Variants in LIMA1 observed in about 807,000 individuals in gnomAD.
The protein encoded by LIMA1 is LIM domain and actin-binding protein 1.
Under a neutral mutation model 62.6 loss-of-function variants are expected in LIMA1, and 52 were observed. The ratio of observed to expected loss-of-function variants is 0.83; its 90% CI spans 0.67 to 1.05. The LOEUF (loss-of-function observed/expected upper bound fraction) is 1.05, where lower values mean the gene tolerates loss of function less well. Among genes scored for constraint, LIMA1 ranks in the 50% least tolerant of loss-of-function variants. The pLI is 0.00. For missense variants in LIMA1, 780 were observed against 902.2 expected, an observed-to-expected ratio of 0.86 and a Z score of 1.74; for synonymous variants, 302 against 317.8, an observed-to-expected ratio of 0.95 and a Z score of 0.53.
intron 3 of LIMA1, chr12:50,222,687 T>G (rs1941468846): frequency 7.4e-6 from 11 of 1,488,016 alleles, no homozygotes; most frequent in Non-Finnish European, 9.8e-6. Context: ...AGAGAAAAAC[T>G]CAGGAGCTGA....
intron 1 of LIMA1, among the ~76,000 whole-genome samples, chr12:50,253,140 TA>T (rs1941951595): frequency 6.6e-6 from 1 of 152,074 alleles, no homozygotes. Context: ...ACAGAGACAG[TA>T]AATATAGAAA....
intron 9 of LIMA1, 70 bp downstream of exon 9, chr12:50,192,382 T>C: frequency 9.5e-7 from 1 of 1,054,646 alleles, no homozygotes. Context: ...AACATCATCA[T>C]CATAAAAGGT....
At chr12:50,238,948 G>T (rs941934497) in intron 2 of LIMA1, among the ~76,000 whole-genome samples, 1 of 152,030 alleles carries the variant, frequency 6.6e-6, no homozygotes, top group Non-Finnish European at 1.5e-5. Flanking sequence ...ACTCATATTT[G>T]AGTTTTAAGT....
chr12:50,222,624 C>T, intron 3 of LIMA1, 139 bp from the exon 4 acceptor site: 1 of 1,537,294 alleles, frequency 6.5e-7, no homozygotes, highest in Non-Finnish European at 8.7e-7. Context: ...ACAGTTACAG[C>T]CTTGCCACAT....
chr12:50,177,974 C>G lies in LIMA1; in HGVS notation c.1370G>C (p.Gly457Ala). The change falls in exon 11 of 11, where the codon GGG becomes GCG. Residue 457 changes from glycine (G) to alanine (A), a missense_variant. Physicochemically the swap from Gly to Ala is moderately conservative, Grantham distance 60 (BLOSUM62 0). Coordinates refer to ENST00000341247, the MANE Select transcript of LIMA1 (RefSeq NM_016357.5). ...CCATAGATCCTTGTGTGGTCTGTGC[C>G]CAAAGCCTTCATCATAGTTGCCCTT... is the stretch of plus-strand genomic sequence containing the variant. ...KSKGNYDEGF[G>A]HRPHKDLWAS... 2 of 1,608,196 alleles carry G rather than the reference C, an allele frequency of 1.2e-6. No individual in the cohort carries two copies. The highest frequency in any genetic ancestry group is 2.2e-5 in the South Asian group (2 of 89,570).
intron 1 of LIMA1, among the ~76,000 whole-genome samples, chr12:50,263,831 AGAG>A (rs1279693645): frequency 8.5e-6 from 1 of 117,184 alleles, no homozygotes. Context: ...ATATATAGAG[AGAG>A]TATATATATA....
At chr12:50,181,861 G>C in intron 10 of LIMA1, 43 bp downstream of exon 10, 1 of 1,609,914 alleles carries the variant, frequency 6.2e-7, no homozygotes, top group Non-Finnish European at 8.5e-7. Flanking sequence ...ACTCCCTCTA[G>C]AGTTCCAGTT....
chr12:50,261,302 A>G (rs1160467157), intron 1 of LIMA1, among the ~76,000 whole-genome samples: 2 of 151,628 alleles, frequency 1.3e-5, no homozygotes, highest in Non-Finnish European at 2.9e-5. Context: ...TCTGCCCACC[A>G]CAACCTCCCC....
At position 50,177,095 on chromosome 12, in the gene LIMA1, C is replaced by T. The variant is rs761109870; in HGVS notation, c.2249G>A (p.Arg750Gln). 17 of 1,593,474 alleles carry T rather than the reference C, an allele frequency of 1.1e-5. No individual in the cohort carries two copies. The highest frequency in any genetic ancestry group is 3.6e-5 in the Admixed American group (2 of 56,326). ...TTCATCCTCATCCTCATCATAATAC[C>T]GATTTCTCTTTATCTGTTCTTCCAC... ...LSVEEQIKRN[R>Q]YYDEDEDEE is the part of the protein sequence containing the mutation. Residue 750 changes from arginine (R) to glutamine (Q), a missense_variant, in exon 11 of 11, where the codon CGG becomes CAG. Transcript: ENST00000341247.
chr12:50,258,072 A>C (rs1314608367), intron 1 of LIMA1, among the ~76,000 whole-genome samples: 1 of 151,872 alleles, frequency 6.6e-6, no homozygotes, highest in Non-Finnish European at 1.5e-5. Context: ...GCACTTCCTT[A>C]CTTTCTAGCA....
chr12:50,200,173 G>A (rs895757353), intron 7 of LIMA1, among the ~76,000 whole-genome samples: 6 of 152,026 alleles, frequency 3.9e-5, no homozygotes, highest in Non-Finnish European at 8.8e-5. Flanking sequence ...GGGATTACAG[G>A]CGTGAGCCAC....
Position 50,283,516 on chromosome 12 carries a change from C to T in LIMA1, c.-120G>A, listed in dbSNP as rs1942365741. 1 of 152,270 alleles carries T rather than the reference C, an allele frequency of 6.6e-6. No individual in the cohort carries two copies. The highest frequency in any genetic ancestry group is 2.1e-4 in the South Asian group (1 of 4,838). The allele number at this position is 152,270 out of a possible 1,614,324, so 9.4% of individuals were successfully genotyped here. On this transcript the variant is annotated 5_prime_UTR_variant, in exon 1 of 11. Transcript: ENST00000341247. ...CCTGTCGCGACCAAGCTGCTAACACCTACTGCTCCTGCGGCCCCGCCCCGG... is the reference window on the plus strand; with the variant it reads ...CCTGTCGCGACCAAGCTGCTAACACTTACTGCTCCTGCGGCCCCGCCCCGG...
At chr12:50,253,125 C>T (rs922621960) in intron 1 of LIMA1, among the ~76,000 whole-genome samples, 2 of 152,014 alleles carry the variant, frequency 1.3e-5, no homozygotes, top group African/African-American at 4.8e-5. Context: ...CTGTTGATTC[C>T]ATTAACAGAG....
chr12:50,281,698 T>C (rs1307791716), intron 1 of LIMA1, among the ~76,000 whole-genome samples: 1 of 152,126 alleles, frequency 6.6e-6, no homozygotes, highest in Non-Finnish European at 1.5e-5. Context: ...CCATAGGCCA[T>C]AGAATTGGAG....
At chr12:50,222,784 C>G in intron 3 of LIMA1, 1 of 918,896 alleles carries the variant, frequency 1.1e-6, no homozygotes, top group South Asian at 2.6e-5. Context: ...ACATGCGAAA[C>G]AAGAGATTTT....
At chr12:50,274,537 G>A (rs1463354065) in intron 1 of LIMA1, among the ~76,000 whole-genome samples, 3 of 151,778 alleles carry the variant, frequency 2.0e-5, no homozygotes, top group Admixed American at 1.3e-4. Flanking sequence ...AGTCAAGATC[G>A]TGCCATTCCA....
intron 1 of LIMA1, among the ~76,000 whole-genome samples, chr12:50,282,796 A>G (rs1173319330): frequency 6.6e-6 from 1 of 152,348 alleles, no homozygotes; most frequent in East Asian, 1.9e-4. Context: ...GTTCGTTCCT[A>G]GCAGCTACAA....
At chr12:50,196,069 T>C in intron 7 of LIMA1, 182 bp from the exon 8 acceptor site, 1 of 558,254 alleles carries the variant, frequency 1.8e-6, no homozygotes, top group Non-Finnish European at 3.1e-6. Context: ...AAATGTCTTT[T>C]ATGAGGATAT....
At chr12:50,221,984 T>C (rs1319512384) in intron 4 of LIMA1, 37 bp downstream of exon 4, 1 of 1,549,776 alleles carries the variant, frequency 6.5e-7, no homozygotes, top group South Asian at 1.2e-5. Flanking sequence ...AGTGCTTGAA[T>C]TGGCTTTCTC....
Sources: allele counts gnomAD v4.1 joint callset (sites outside exome capture counted in the v4.1 genomes callset), GRCh38; gene constraint gnomAD v4.1.1; transcripts MANE v1.5; gene names NCBI Gene and HGNC (gene_info 2026-07-23, HGNC 2026-07-21).